CSMD2: variants seen among roughly 807,000 people sequenced by gnomAD.
CSMD2 encodes CUB and sushi domain-containing protein 2.
A neutral mutation model predicts 398.5 loss-of-function variants in CSMD2; 130 were observed. That is an observed-to-expected ratio of 0.33 (90% CI 0.28 to 0.38). The LOEUF (loss-of-function observed/expected upper bound fraction) is 0.38, where lower values mean the gene tolerates loss of function less well. CSMD2 is among the 10% of genes least tolerant of loss of function. CSMD2 has a pLI of 1.00. For missense variants in CSMD2, 3,829 were observed against 4,764.9 expected, an observed-to-expected ratio of 0.80 and a Z score of 5.78; for synonymous variants, 1,828 against 1,908.5, an observed-to-expected ratio of 0.96 and a Z score of 1.10.
chr1:33,744,650 C>T (rs888903313), intron 13 of CSMD2, among the ~76,000 whole-genome samples: 2 of 151,978 alleles, frequency 1.3e-5, no homozygotes, highest in African/African-American at 4.8e-5. Flanking sequence ...AATCACAACG[C>T]TTATGACACA....
At chr1:33,890,178 T>C (rs1641896980) in intron 5 of CSMD2, among the ~76,000 whole-genome samples, 1 of 151,880 alleles carries the variant, frequency 6.6e-6, no homozygotes, top group Admixed American at 6.5e-5. Context: ...AATACTCGTC[T>C]GCTTTTGTGG....
intron 53 of CSMD2, among the ~76,000 whole-genome samples, chr1:33,564,767 A>C (rs1246871210): frequency 6.6e-6 from 1 of 152,152 alleles, no homozygotes; most frequent in Non-Finnish European, 1.5e-5. Context: ...GTTTTTTGAG[A>C]AGTTCTCATT....
intron 46 of CSMD2, 146 bp from the exon 47 acceptor site, chr1:33,583,976 C>T: frequency 1.5e-6 from 1 of 655,052 alleles, no homozygotes. Flanking sequence ...CATCACTGTG[C>T]TGCTCCATGA....
chr1:34,072,328 A>T (rs1571005802), intron 2 of CSMD2, among the ~76,000 whole-genome samples: 1 of 152,328 alleles, frequency 6.6e-6, no homozygotes, highest in African/African-American at 2.4e-5. Flanking sequence ...GACTAGAATG[A>T]CAAGTCCAAA....
intron 33 of CSMD2, 23 bp from the exon 34 acceptor site, chr1:33,625,277 G>A (rs1409456710): frequency 1.9e-6 from 3 of 1,596,966 alleles, no homozygotes; most frequent in Non-Finnish European, 2.6e-6. Context: ...AGGGCACTGA[G>A]GGGAGGCCTC....
chr1:33,887,969 T>C (rs1200456127), intron 5 of CSMD2, among the ~76,000 whole-genome samples: 3 of 151,906 alleles, frequency 2.0e-5, no homozygotes, highest in African/African-American at 4.8e-5. Context: ...TTACCAGCAA[T>C]AAGCAACTAG....
intron 4 of CSMD2, among the ~76,000 whole-genome samples, chr1:33,924,626 A>G (rs1644061635): frequency 6.6e-6 from 1 of 152,196 alleles, no homozygotes; most frequent in Non-Finnish European, 1.5e-5. Context: ...ACTGTTTTCT[A>G]TAATGGCTGT....
At chr1:33,713,752 G>C (rs72662080) in intron 21 of CSMD2, among the ~76,000 whole-genome samples, 8,209 of 152,176 alleles carry the variant, frequency 0.054, 274 homozygotes, top group East Asian at 0.11. Context: ...GCATGCTCAT[G>C]GTTTGGGTCT....
intron 2 of CSMD2, among the ~76,000 whole-genome samples, chr1:34,059,517 T>G (rs1271995132): frequency 6.6e-6 from 1 of 152,184 alleles, no homozygotes; most frequent in Non-Finnish European, 1.5e-5. Context: ...GTCTGTTTCC[T>G]AGTTTATTTA....
intron 10 of CSMD2, among the ~76,000 whole-genome samples, chr1:33,807,326 C>T (rs1259545503): frequency 3.3e-5 from 5 of 152,076 alleles, no homozygotes; most frequent in Non-Finnish European, 7.4e-5. Context: ...TGACAGGATC[C>T]GTACCCCAAC....
intron 5 of CSMD2, among the ~76,000 whole-genome samples, chr1:33,879,263 AC>A (rs1641065429): frequency 6.6e-6 from 1 of 152,008 alleles, no homozygotes; most frequent in African/African-American, 2.4e-5. Context: ...ACCACCTCCC[AC>A]TAAGATCCCA....
intron 13 of CSMD2, among the ~76,000 whole-genome samples, chr1:33,760,804 G>T (rs554495022): frequency 2.0e-5 from 3 of 152,154 alleles, no homozygotes; most frequent in Admixed American, 1.3e-4. Flanking sequence ...GCTGCTGATG[G>T]CTGTCTCCAC....
intron 49 of CSMD2, 109 bp from the exon 50 acceptor site, chr1:33,572,800 T>A: frequency 7.7e-6 from 6 of 775,136 alleles, no homozygotes; most frequent in African/African-American, 1.8e-5. Flanking sequence ...AAAAACTAAT[T>A]AAAGGGTAAA....
intron 44 of CSMD2, chr1:33,592,165 C>T (rs576817735): frequency 7.6e-5 from 39 of 511,426 alleles, no homozygotes; most frequent in Middle Eastern, 5.5e-4. Flanking sequence ...AGGTAGAGGA[C>T]GAGGAACTGA....
chr1:33,779,535 T>G (rs1217777511), intron 12 of CSMD2, among the ~76,000 whole-genome samples: 1 of 152,226 alleles, frequency 6.6e-6, no homozygotes, highest in Non-Finnish European at 1.5e-5. Flanking sequence ...TCGCTGCTGT[T>G]TGCAGAGCCC....
intron 3 of CSMD2, among the ~76,000 whole-genome samples, chr1:33,999,633 C>T (rs1195800986): frequency 6.6e-6 from 1 of 151,972 alleles, no homozygotes; most frequent in Non-Finnish European, 1.5e-5. Flanking sequence ...CCCAAGTGAT[C>T]CTCTTGCCAC....
At chr1:33,639,105 CCTT>C (rs1407744107) in intron 29 of CSMD2, among the ~76,000 whole-genome samples, 2 of 152,222 alleles carry the variant, frequency 1.3e-5, no homozygotes, top group African/African-American at 4.8e-5. Flanking sequence ...CATCTTTCCT[CCTT>C]CTCTCAGTCT....
chr1:33,610,369 G>A (rs1330207775), intron 41 of CSMD2, among the ~76,000 whole-genome samples: 6 of 152,168 alleles, frequency 3.9e-5, no homozygotes, highest in African/African-American at 1.4e-4. Flanking sequence ...CCAAGGGCGA[G>A]GTTGGGCTTA....
intron 3 of CSMD2, among the ~76,000 whole-genome samples, chr1:33,967,513 A>C (rs7515176): frequency 0.052 from 7,981 of 152,190 alleles, 310 homozygotes; most frequent in East Asian, 0.18. Context: ...TGATTTCTTT[A>C]TCTCCGTAGT....
Sources: gnomAD v4.1 joint callset for allele counts (sites outside exome capture counted in the v4.1 genomes callset) on GRCh38, gnomAD v4.1.1 for gene constraint, MANE v1.5 for transcripts, NCBI Gene and HGNC (gene_info 2026-07-23, HGNC 2026-07-21) for gene names.